Variants in LIMK1 observed in about 807,000 individuals in gnomAD.
LIMK1 encodes LIM domain kinase 1, also known as LIM motif-containing protein kinase.
LIMK1 carries 21 observed loss-of-function variants against 77.6 expected under a neutral mutation model. The ratio of observed to expected loss-of-function variants is 0.27; its 90% CI spans 0.19 to 0.39. The LOEUF is 0.39. LIMK1 is among the 10% of genes least tolerant of loss of function. LIMK1 has a pLI of 1.00. For missense variants in LIMK1, 696 were observed against 901.6 expected (o/e 0.77, Z 2.92); for synonymous variants, 358 against 370.0 (o/e 0.97, Z 0.37).
At chr7:74,119,044 C>T (rs554359264) in intron 13 of LIMK1, among the ~76,000 whole-genome samples, 8 of 150,240 alleles carry the variant, frequency 5.3e-5, no homozygotes, top group East Asian at 2.0e-4. Flanking sequence ...TACAGGCGCC[C>T]GCCACCACGC....
At chr7:74,102,678 A>G (rs1210769417) in intron 5 of LIMK1, among the ~76,000 whole-genome samples, 2 of 151,172 alleles carry the variant, frequency 1.3e-5, no homozygotes, top group Non-Finnish European at 2.9e-5. Context: ...TATCAATTGT[A>G]TCTTATAGTT....
At chr7:74,111,530 G>A in intron 10 of LIMK1, 118 bp from the exon 11 acceptor site, 2 of 775,656 alleles carry the variant, frequency 2.6e-6, no homozygotes, top group Non-Finnish European at 4.5e-6. Flanking sequence ...AAATCGGGGT[G>A]TTGGGGAGCC....
chr7:74,097,267 C>T, intron 4 of LIMK1, 78 bp downstream of exon 4: 1 of 843,348 alleles, frequency 1.2e-6, no homozygotes, highest in Non-Finnish European at 1.8e-6. Context: ...CTCTCCCACA[C>T]CCGGGCCTCC....
Position 74,087,326 on chromosome 7 carries a change from C to T in LIMK1, c.152+1482C>T, listed in dbSNP as rs187451396. 4.1e-4 allele frequency among the ~76,000 whole-genome samples: 63 copies of T among 152,192 alleles called. No individual in the cohort carries two copies. In the East Asian group the frequency reaches 0.011, roughly 27 times the overall value. On this transcript the variant is annotated intron_variant, in intron 2 of 15. Coordinates refer to ENST00000336180, the MANE Select transcript of LIMK1 (RefSeq NM_002314.4). The stretch of plus-strand genomic sequence containing the variant: ...GGCTGAGGTGGCAGGGTTACTTGAG[C>T]CTGGGAGGTGGAGGCTGCAGTGAGC...
chr7:74,112,083 G>A lies in LIMK1; in HGVS notation c.1410+85G>A, dbSNP rs561918372. ...CAGCCTCAGGGCCTTCCCAGAACTG[G>A]AGGCCCCTCCATGTTGCCTCCATGA... On this transcript the variant is annotated intron_variant, in intron 12 of 15. Transcript: ENST00000336180. The A allele has an allele frequency of 8.8e-5, 96 of 1,096,570 alleles. No homozygotes were observed. In the South Asian group the frequency reaches 1.3e-3, roughly 15 times the overall value. The allele number at this position is 1,096,570 out of a possible 1,614,324, so 67.9% of individuals were successfully genotyped here. A position where few individuals can be genotyped will look rare whatever the true frequency, so the allele number is the denominator to read the frequency against.
In LIMK1 at chr7:74,111,600, A is replaced by G. The variant is rs552666906; in HGVS notation, c.1285-48A>G. 54 of 1,517,194 alleles carry G rather than the reference A, an allele frequency of 3.6e-5. No individual in the cohort carries two copies. In the South Asian group the frequency reaches 4.1e-4, roughly 11 times the overall value. 94.0% of individuals were successfully genotyped at this position (1,517,194 alleles called of 1,614,324 possible). A position where few individuals can be genotyped will look rare whatever the true frequency, so the allele number is the denominator to read the frequency against. On this transcript the variant is annotated intron_variant, in intron 10 of 15. Coordinates refer to ENST00000336180, the MANE Select transcript of LIMK1 (RefSeq NM_002314.4). ...TCTGTCTCATGCAACCATCCCTGCC[A>G]TCGGGGCCCCCACCGGCCCCACCCT...
At position 74,108,760 on chromosome 7, in the gene LIMK1, T is replaced by A. The variant is rs1052055393; in HGVS notation, c.1153-145T>A. On this transcript the variant is annotated intron_variant, in intron 9 of 15. Coordinates refer to ENST00000336180, the MANE Select transcript of LIMK1 (RefSeq NM_002314.4). ...GCAGAGGGCACAGGACGCCAGAGGG[T>A]GTGGCAGAGGCAGGAGAGGGGAGCT... 6.1e-5 allele frequency: 80 copies of A among 1,305,476 alleles called. No homozygotes were observed. The African/African-American group carries it at 1.0e-3, about 16-fold the overall frequency. 80.9% of individuals were successfully genotyped at this position (1,305,476 alleles called of 1,614,324 possible).
At chr7:74,087,866 A>G (rs1258638742) in intron 2 of LIMK1, among the ~76,000 whole-genome samples, 1 of 152,090 alleles carries the variant, frequency 6.6e-6, no homozygotes, top group Admixed American at 6.6e-5. Flanking sequence ...CTGGAATTAC[A>G]GGCATGAGCC....
rs935417701 is a variant in LIMK1 at position 74,107,122 on chromosome 7, C to T, written c.994C>T (p.Arg332Cys). ...ESLRVVCRPH[R>C]IFRPSDLIHG... ...CCTCCGCGTAGTCTGCCGGCCACAC[C>T]GCATCTTCCGGCCGTCGGACCTCAT... Residue 332 changes from arginine to cysteine, a missense_variant, in exon 8 of 16, where the codon CGC becomes TGC. Around this residue, in one of 3 missense-constraint regions of LIMK1, gnomAD observed 438 missense variants for 602.3 expected, o/e 0.73. Coordinates refer to ENST00000336180, the MANE Select transcript of LIMK1 (RefSeq NM_002314.4). 3.7e-6 allele frequency: 6 copies of T among 1,613,044 alleles called. No homozygotes were observed. Among genetic ancestry groups the T allele is most frequent in the East Asian group, 2.2e-5 (1 of 44,864 alleles).
Position 74,111,305 on chromosome 7 carries a change from G to A in LIMK1, c.1285-343G>A, listed in dbSNP as rs182400180. ...TACAAAAAATTAGCTGGGTGTGGTG[G>A]CGCATGCCCATAGTCCCAGCTACTC... On this transcript the variant is annotated intron_variant, in intron 10 of 15. Transcript: ENST00000336180. The A allele has an allele frequency of 1.6e-3, 418 of 269,164 alleles. 10 individuals are homozygous for A. In the East Asian group the frequency reaches 0.028, roughly 18 times the overall value. 16.7% of individuals were successfully genotyped at this position (269,164 alleles called of 1,614,324 possible).
Position 74,121,290 on chromosome 7 carries a change from G to A in LIMK1, c.1933G>A (p.Val645Ile). The A allele has an allele frequency of 1.3e-6, 2 of 1,599,168 alleles. No individual in the cohort carries two copies. The highest frequency in any genetic ancestry group is 1.7e-6 in the Non-Finnish European group (2 of 1,174,942). Reference sequence around the variant, plus strand: ...GAGCGGACTGCCTGCCCACCCTGAGGTCCCCGACTGAGCCAGGGCCACTCA... The same window carrying A: ...GAGCGGACTGCCTGCCCACCCTGAGATCCCCGACTGAGCCAGGGCCACTCA... ...GESGLPAHPE[V>I]PD The change falls in exon 16 of 16, where the codon GTC (valine) becomes ATC (isoleucine). Residue 645 changes from valine to isoleucine, a missense_variant. Physicochemically the swap from Val to Ile is conservative, Grantham distance 29. This residue lies in a region of LIMK1 where 438 missense variants were observed against 602.3 expected (regional missense o/e 0.73). Coordinates refer to ENST00000336180, the MANE Select transcript of LIMK1 (RefSeq NM_002314.4).
chr7:74,104,019 C>A (rs577432460), intron 5 of LIMK1, among the ~76,000 whole-genome samples: 172 of 152,184 alleles, frequency 1.1e-3, no homozygotes, highest in African/African-American at 4.0e-3. Context: ...TCTCGAACTC[C>A]TGACCTCAAG....
chr7:74,109,306 G>A (rs1799649707), intron 10 of LIMK1: 5 of 430,114 alleles, frequency 1.2e-5, no homozygotes, highest in Non-Finnish European at 2.2e-5. Context: ...GCTGCAGTGA[G>A]CTGTGATCTC....
At chr7:74,086,068 C>T (rs1470762976) in intron 2 of LIMK1, among the ~76,000 whole-genome samples, 5 of 152,132 alleles carry the variant, frequency 3.3e-5, no homozygotes, top group Admixed American at 1.3e-4. Flanking sequence ...CTTTTTGAGA[C>T]GGAGTCTCGC....
chr7:74,101,234 C>CATCA (rs1799453692), intron 5 of LIMK1, among the ~76,000 whole-genome samples: 1 of 152,160 alleles, frequency 6.6e-6, no homozygotes, highest in African/African-American at 2.4e-5. Context: ...CAGACAGCTG[C>CATCA]TTGAAAGAGA....
chr7:74,109,128 G>T (rs1484152825), intron 10 of LIMK1, 92 bp downstream of exon 10: 2 of 995,712 alleles, frequency 2.0e-6, no homozygotes, highest in East Asian at 5.3e-5. Flanking sequence ...TTCAATGGGG[G>T]GAAGCCACAG....
At chr7:74,120,176 C>T (rs1180357549) in intron 13 of LIMK1, among the ~76,000 whole-genome samples, 10 of 152,180 alleles carry the variant, frequency 6.6e-5, no homozygotes, top group Admixed American at 6.6e-4. Flanking sequence ...GGGGCCCACC[C>T]AGATCATCCA....
chr7:74,102,739 G>A (rs1356165364), intron 5 of LIMK1, among the ~76,000 whole-genome samples: 2 of 151,808 alleles, frequency 1.3e-5, no homozygotes, highest in East Asian at 3.9e-4. Context: ...CTAATACACA[G>A]ACCATATTCA....
chr7:74,113,874 T>G (rs544248737), intron 12 of LIMK1, among the ~76,000 whole-genome samples: 1 of 152,092 alleles, frequency 6.6e-6, no homozygotes, highest in South Asian at 2.1e-4. Context: ...GAGGATCCCT[T>G]GAGTCCAGGA....
Sources: allele counts gnomAD v4.1 joint callset (sites outside exome capture counted in the v4.1 genomes callset), GRCh38; gene constraint gnomAD v4.1.1; regional missense constraint gnomAD v4.1.1; transcripts MANE v1.5; gene names NCBI Gene and HGNC (gene_info 2026-07-23, HGNC 2026-07-21).